The following RGS6 variants were observed in gnomAD, a reference collection of about 807,000 sequenced individuals.
RGS6 encodes regulator of G-protein signaling 6.
RGS6 carries 30 observed loss-of-function variants against 78.5 expected under a neutral mutation model. That is an observed-to-expected ratio of 0.38 (90% confidence interval 0.29 to 0.52). RGS6 has a LOEUF of 0.52. RGS6 is among the 20% of genes least tolerant of loss of function. The pLI, the probability that RGS6 is intolerant of heterozygous loss-of-function variation, is 0.85. For missense variants in RGS6, 495 were observed against 609.7 expected (o/e 0.81, Z 1.98); for synonymous variants, 206 against 206.0 (o/e 1.00, Z 0.00).
intron 2 of RGS6, among the ~76,000 whole-genome samples, chr14:71,999,572 T>A (rs1382474629): frequency 7.0e-6 from 1 of 143,416 alleles, no homozygotes; most frequent in South Asian, 2.3e-4. Flanking sequence ...ATAACCTCAA[T>A]GTTGGAGGTG....
intron 3 of RGS6, among the ~76,000 whole-genome samples, chr14:72,382,111 A>G (rs940628814): frequency 2.0e-5 from 3 of 152,122 alleles, no homozygotes; most frequent in African/African-American, 2.4e-5. Flanking sequence ...AGTCACCTGC[A>G]TTAATAAAAT....
At chr14:72,258,530 G>T (rs1481229927) in intron 2 of RGS6, among the ~76,000 whole-genome samples, 1 of 152,140 alleles carries the variant, frequency 6.6e-6, no homozygotes, top group Non-Finnish European at 1.5e-5. Flanking sequence ...CCCAAGTCTG[G>T]GTTGCGTCTG....
the RGS6 span, among the ~76,000 whole-genome samples, chr14:72,602,661 G>C: frequency 6.6e-6 from 1 of 152,222 alleles, no homozygotes; most frequent in African/African-American, 2.4e-5. Flanking sequence ...GTAATTAAAA[G>C]TATTTTCTTT....
chr14:72,472,567 T>C (rs2096113394), intron 8 of RGS6, among the ~76,000 whole-genome samples: 1 of 152,228 alleles, frequency 6.6e-6, no homozygotes, highest in Non-Finnish European at 1.5e-5. Flanking sequence ...AATCCAAATC[T>C]TAATACTTCA....
intron 3 of RGS6, among the ~76,000 whole-genome samples, chr14:72,393,477 T>C (rs2090474273): frequency 1.3e-5 from 2 of 152,096 alleles, no homozygotes; most frequent in Non-Finnish European, 2.9e-5. Flanking sequence ...AGGGATCTAG[T>C]CTAATCCTTT....
At chr14:72,114,175 G>C (rs1421622426) in intron 2 of RGS6, among the ~76,000 whole-genome samples, 1 of 152,184 alleles carries the variant, frequency 6.6e-6, no homozygotes, top group Non-Finnish European at 1.5e-5. Flanking sequence ...GTCAGACAGA[G>C]AGAGAGGTGC....
intron 2 of RGS6, among the ~76,000 whole-genome samples, chr14:72,186,515 G>T (rs190468444): frequency 6.6e-6 from 1 of 152,274 alleles, no homozygotes; most frequent in East Asian, 1.9e-4. Flanking sequence ...TACTGCACAA[G>T]AACTTCGGTC....
intron 2 of RGS6, among the ~76,000 whole-genome samples, chr14:72,179,426 C>G (rs1045802815): frequency 6.6e-6 from 1 of 152,144 alleles, no homozygotes; most frequent in Non-Finnish European, 1.5e-5. Flanking sequence ...CATGGTAGGT[C>G]CAGTGTTTAT....
intron 3 of RGS6, among the ~76,000 whole-genome samples, chr14:72,442,713 C>T (rs752664765): frequency 2.0e-5 from 3 of 152,192 alleles, no homozygotes; most frequent in Non-Finnish European, 4.4e-5. Flanking sequence ...GCACTTCTAT[C>T]GTATTCTACA....
At chr14:72,239,076 G>C (rs2052015293) in intron 2 of RGS6, among the ~76,000 whole-genome samples, 1 of 152,194 alleles carries the variant, frequency 6.6e-6, no homozygotes, top group African/African-American at 2.4e-5. Context: ...ATTTAAAAAG[G>C]CTTTAGAACA....
intron 2 of RGS6, among the ~76,000 whole-genome samples, chr14:72,130,061 C>T (rs529968115): frequency 6.6e-6 from 1 of 152,290 alleles, no homozygotes; most frequent in South Asian, 2.1e-4. Flanking sequence ...TGGCTGACTA[C>T]AAATGTGGGG....
At chr14:72,016,607 C>T (rs998383843) in intron 2 of RGS6, among the ~76,000 whole-genome samples, 5 of 152,154 alleles carry the variant, frequency 3.3e-5, no homozygotes, top group African/African-American at 4.8e-5. Flanking sequence ...CCTCGTGATC[C>T]GCCCTCCTCG....
At chr14:72,517,565 A>G (rs2096966417) in intron 14 of RGS6, among the ~76,000 whole-genome samples, 1 of 152,148 alleles carries the variant, frequency 6.6e-6, no homozygotes, top group African/African-American at 2.4e-5. Context: ...CAGAAGGAGA[A>G]CCATTCTGCA....
intron 2 of RGS6, among the ~76,000 whole-genome samples, chr14:72,299,040 G>A (rs1048475276): frequency 6.6e-6 from 1 of 152,088 alleles, no homozygotes; most frequent in African/African-American, 2.4e-5. Context: ...TTCATTTCCT[G>A]TAAGTTGTTA....
the RGS6 span, among the ~76,000 whole-genome samples, chr14:71,887,301 A>G: frequency 6.6e-6 from 1 of 152,204 alleles, no homozygotes; most frequent in African/African-American, 2.4e-5. Flanking sequence ...GTATTTGAAC[A>G]ATATGAAGTC....
intron 2 of RGS6, among the ~76,000 whole-genome samples, chr14:72,269,111 T>C (rs1171391347): frequency 7.0e-6 from 1 of 143,752 alleles, no homozygotes; most frequent in Non-Finnish European, 1.5e-5. Context: ...ACTTGTAAGA[T>C]ATACCCAGAA....
At chr14:72,024,077 C>T (rs8017428) in intron 2 of RGS6, among the ~76,000 whole-genome samples, 1 of 25,800 alleles carries the variant, frequency 3.9e-5, no homozygotes, top group African/African-American at 1.2e-4. Flanking sequence ...TAGCACATAA[C>T]GAGGACTCGG....
At chr14:71,878,156 T>C in the RGS6 span, among the ~76,000 whole-genome samples, 344 of 152,344 alleles carry the variant, frequency 2.3e-3, 2 homozygotes, top group African/African-American at 8.1e-3. Context: ...GCAATCTGTA[T>C]GTTCTCAGAT....
the RGS6 span, among the ~76,000 whole-genome samples, chr14:72,625,185 G>C: frequency 3.9e-5 from 6 of 152,126 alleles, no homozygotes; most frequent in Admixed American, 2.0e-4. Context: ...ACTGTGAAGT[G>C]TGCCCAATGA....
Sources: gnomAD v4.1 joint callset for allele counts (sites outside exome capture counted in the v4.1 genomes callset) on GRCh38, gnomAD v4.1.1 for gene constraint, MANE v1.5 for transcripts, NCBI Gene and HGNC (gene_info 2026-07-23, HGNC 2026-07-21) for gene names.